Variants in CORIN observed in about 807,000 individuals in gnomAD.
CORIN encodes the protein atrial natriuretic peptide-converting enzyme.
Under a neutral mutation model 125.3 loss-of-function variants are expected in CORIN, and 117 were observed. The observed-to-expected ratio is 0.93, with a 90% confidence interval of 0.80 to 1.09. CORIN has a LOEUF of 1.09. Among genes scored for constraint, CORIN ranks in the 50% least tolerant of loss-of-function variants. The probability of loss-of-function intolerance (pLI) is 0.00; values close to 1 mark genes in which losing one functional copy is unlikely to be tolerated. For synonymous variants in CORIN, 450 were observed against 466.4 expected (o/e 0.96, Z 0.45); for missense variants, 1,253 against 1,306.7 (o/e 0.96, Z 0.63).
chr4:47,757,418 A>AC (rs1343193228), intron 4 of CORIN, among the ~76,000 whole-genome samples: 2 of 151,924 alleles, frequency 1.3e-5, no homozygotes, highest in African/African-American at 4.8e-5. Flanking sequence ...ATATGGTGAA[A>AC]CCCCATCTCC....
chr4:47,618,224 C>T lies in CORIN; in HGVS notation c.2540+5347G>A, dbSNP rs555743202. The stretch of plus-strand genomic sequence containing the variant: ...TGGCAGGCACCTGTAATCCCAGCTA[C>T]TTGGGAGGCTGAGGCAGGAGAATGG... On this transcript the variant is annotated intron_variant, in intron 19 of 21. Transcript: ENST00000273857. Among the ~76,000 whole-genome samples, 47 of 151,610 alleles carry T rather than the reference C, an allele frequency of 3.1e-4. No individual in the cohort carries two copies. The East Asian group carries it at 8.2e-3, about 26-fold the overall frequency.
chr4:47,729,792 C>A (rs1356465176), intron 5 of CORIN, among the ~76,000 whole-genome samples: 1 of 152,134 alleles, frequency 6.6e-6, no homozygotes, highest in Non-Finnish European at 1.5e-5. Flanking sequence ...CCTTAGCGCG[C>A]ACACACACGG....
intron 4 of CORIN, among the ~76,000 whole-genome samples, chr4:47,760,145 A>G (rs9291316): frequency 0.045 from 6,783 of 152,300 alleles, 457 homozygotes; most frequent in African/African-American, 0.15. Context: ...TTCTGAAATA[A>G]TAAGACTTGA....
Position 47,603,494 on chromosome 4 carries a change from A to C in CORIN, c.2715T>G (p.Thr905=). ...GCAAGCAGACAGGCCGGACGTAGCC[A>C]GTCTCACTGATGTCTTCACTCAGCT... ...IVELSEDISE[T]GYVRPVCLPN... Residue 905 remains threonine, a synonymous_variant, in exon 20 of 22, where the codon ACT becomes ACG. Coordinates refer to ENST00000273857, the MANE Select transcript of CORIN (RefSeq NM_006587.4). 6.2e-7 allele frequency: 1 copy of C among 1,614,166 alleles called. No homozygotes were observed. Among genetic ancestry groups the C allele is most frequent in the Non-Finnish European group, 8.5e-7 (1 of 1,180,020 alleles).
intron 2 of CORIN, among the ~76,000 whole-genome samples, chr4:47,788,526 T>C (rs1194188557): frequency 3.3e-5 from 5 of 152,226 alleles, no homozygotes. Flanking sequence ...ATTCATTTAA[T>C]TGTTATTGAT....
chr4:47,805,052 C>T lies in CORIN; in HGVS notation c.208+1851G>A, dbSNP rs1012910324. 1.9e-4 allele frequency among the ~76,000 whole-genome samples: 28 copies of T among 149,478 alleles called. No individual in the cohort carries two copies. In the South Asian group the frequency reaches 2.1e-3, roughly 11 times the overall value. On this transcript the variant is annotated intron_variant, in intron 2 of 21. Coordinates refer to ENST00000273857, the MANE Select transcript of CORIN (RefSeq NM_006587.4). ...TTGGTAGGCTGAGGCAGGAGAATGG[C>T]GTGAACCCAGGAGGCAGAGCTTGCA... is the stretch of plus-strand genomic sequence containing the variant.
At chr4:47,804,424 T>G (rs1021754237) in intron 2 of CORIN, among the ~76,000 whole-genome samples, 1 of 152,174 alleles carries the variant, frequency 6.6e-6, no homozygotes, top group Non-Finnish European at 1.5e-5. Flanking sequence ...GTTGCAGCAC[T>G]GATCACACTC....
chr4:47,775,611 G>C lies in CORIN; in HGVS notation c.409+11114C>G, dbSNP rs1328142037. Among the ~76,000 whole-genome samples, 9 of 152,182 alleles carry C rather than the reference G, an allele frequency of 5.9e-5. No individual in the cohort carries two copies. In the East Asian group the frequency reaches 1.7e-3, roughly 29 times the overall value. Reference sequence around the variant, plus strand: ...ATATGCCACATTTTCTTAATGACTGGCATGCTTTAAACAGATCTTCAGAGG... The same window carrying C: ...ATATGCCACATTTTCTTAATGACTGCCATGCTTTAAACAGATCTTCAGAGG... On this transcript the variant is annotated intron_variant, in intron 3 of 21. Coordinates refer to ENST00000273857, the MANE Select transcript of CORIN (RefSeq NM_006587.4).
intron 4 of CORIN, among the ~76,000 whole-genome samples, chr4:47,744,970 G>A (rs1728596784): frequency 6.6e-6 from 1 of 152,158 alleles, no homozygotes; most frequent in Non-Finnish European, 1.5e-5. Flanking sequence ...TGTTATTCTT[G>A]TATTTTTATC....
intron 4 of CORIN, among the ~76,000 whole-genome samples, chr4:47,756,690 T>C (rs1729163137): frequency 6.6e-6 from 1 of 152,246 alleles, no homozygotes; most frequent in African/African-American, 2.4e-5. Context: ...AATAGTTGTT[T>C]AGGACCTAAT....
chr4:47,807,019 C>G lies in CORIN; in HGVS notation c.92G>C (p.Gly31Ala), dbSNP rs1224313181. ...CGCCAGCTTCTGAGAGCAGCCATTG[C>G]CCATGTTATTGTCATCAGCTCTCAA... ...PVLRADDNNM[G>A]NGCSQKLATA... The change falls in exon 2 of 22, where the codon GGC (glycine) becomes GCC (alanine). Residue 31 changes from glycine (G) to alanine (A), a missense_variant. Transcript: ENST00000273857. The G allele has an allele frequency of 6.2e-7, 1 of 1,613,458 alleles. No homozygotes were observed. The highest frequency in any genetic ancestry group is 8.5e-7 in the Non-Finnish European group (1 of 1,179,820).
chr4:47,651,700 T>C (rs896006154), intron 13 of CORIN, among the ~76,000 whole-genome samples: 6 of 152,232 alleles, frequency 3.9e-5, no homozygotes, highest in Non-Finnish European at 8.8e-5. Flanking sequence ...TTATTTTTAA[T>C]TTTTGATAGA....
Position 47,635,185 on chromosome 4 carries a change from G to A in CORIN, c.2198+6735C>T, listed in dbSNP as rs117582187. Among the ~76,000 whole-genome samples, 303 of 152,238 alleles carry A rather than the reference G, an allele frequency of 2.0e-3. 8 individuals are homozygous for A. In the East Asian group the frequency reaches 0.054, roughly 27 times the overall value. On this transcript the variant is annotated intron_variant, in intron 16 of 21. Coordinates refer to ENST00000273857, the MANE Select transcript of CORIN (RefSeq NM_006587.4). ...CAAGTGACAGAGCCAGATAGACAAG[G>A]GTTAAAACTGATGCTTAGAGGTTAA...
intron 5 of CORIN, among the ~76,000 whole-genome samples, chr4:47,742,250 C>CA (rs1025344840): frequency 6.6e-6 from 1 of 151,934 alleles, no homozygotes; most frequent in Non-Finnish European, 1.5e-5. Flanking sequence ...AAAAACCCTT[C>CA]ACCAAACATC....
chr4:47,600,767 G>A (rs773371842), intron 20 of CORIN, among the ~76,000 whole-genome samples: 5 of 152,182 alleles, frequency 3.3e-5, no homozygotes, highest in African/African-American at 4.8e-5. Context: ...GAGAAAACCT[G>A]TTTAATCTAA....
chr4:47,798,846 A>G (rs1355009224), intron 2 of CORIN, among the ~76,000 whole-genome samples: 1 of 152,106 alleles, frequency 6.6e-6, no homozygotes, highest in Non-Finnish European at 1.5e-5. Context: ...GCCCTCCTCC[A>G]TAGTCCCCAG....
chr4:47,821,049 A>G (rs1169115610), intron 1 of CORIN, among the ~76,000 whole-genome samples: 1 of 152,130 alleles, frequency 6.6e-6, no homozygotes, highest in Non-Finnish European at 1.5e-5. Context: ...AGCCTGGCCA[A>G]TATGGTGAAA....
chr4:47,778,388 G>A (rs1168995209), intron 3 of CORIN, among the ~76,000 whole-genome samples: 1 of 152,170 alleles, frequency 6.6e-6, no homozygotes, highest in Non-Finnish European at 1.5e-5. Context: ...GTACCCAAAG[G>A]AGAGTGAAAC....
intron 19 of CORIN, among the ~76,000 whole-genome samples, chr4:47,607,067 A>G (rs993881992): frequency 7.2e-5 from 11 of 152,224 alleles, no homozygotes; most frequent in Non-Finnish European, 1.3e-4. Context: ...TAATTACTGT[A>G]TTGAGATTAA....
Sources: gnomAD v4.1 joint callset for allele counts (sites outside exome capture counted in the v4.1 genomes callset) on GRCh38, gnomAD v4.1.1 for gene constraint, MANE v1.5 for transcripts, NCBI Gene and HGNC (gene_info 2026-07-23, HGNC 2026-07-21) for gene names.